Variants in GCSH observed in about 807,000 individuals in gnomAD.
GCSH encodes the protein glycine cleavage system H protein, mitochondrial.
A neutral mutation model predicts 21.3 loss-of-function variants in GCSH; 15 were observed. The ratio of observed to expected loss-of-function variants is 0.70; its 90% confidence interval spans 0.47 to 1.08. The LOEUF is 1.08. Ranked by LOEUF, GCSH falls within the 50% of genes least tolerant of loss-of-function variation. The pLI, the probability that GCSH is intolerant of heterozygous loss-of-function variation, is 0.00. For synonymous variants in GCSH, 59 were observed against 84.5 expected, an observed-to-expected ratio of 0.70 and a Z score of 1.66; for missense variants, 179 against 217.5, an observed-to-expected ratio of 0.82 and a Z score of 1.11.
chr16:81,087,510 C>G (rs372154203), intron 3 of GCSH, 91 bp downstream of exon 3: 2 of 892,252 alleles, frequency 2.2e-6, no homozygotes, highest in South Asian at 2.9e-5. Context: ...AAAAAAAAAG[C>G]ACTCTAATTA....
Position 81,096,360 on chromosome 16 carries a change from C to CGGAGGGAGCCGGCTGGAT in GCSH, c.-100_-83dup. ...GGGGCGGGGAGGGGCAGTTCGCGGC[C>CGGAGGGAGCCGGCTGGAT]GGAGGGAGCCGGCTGGATGGAGGCG... On this transcript the variant is annotated 5_prime_UTR_variant, in exon 1 of 5. Coordinates refer to ENST00000315467, the MANE Select transcript of GCSH (RefSeq NM_004483.5). 9.0e-7 allele frequency: 1 copy of CGGAGGGAGCCGGCTGGAT among 1,106,618 alleles called. No homozygotes were observed. Among genetic ancestry groups the CGGAGGGAGCCGGCTGGAT allele is most frequent in the South Asian group, 2.1e-5 (1 of 47,950 alleles). 68.5% of individuals were successfully genotyped at this position (1,106,618 alleles called of 1,614,324 possible). A position where few individuals can be genotyped will look rare whatever the true frequency, so the allele number is the denominator to read the frequency against.
At chr16:81,085,607 G>A (rs1972257388) in intron 3 of GCSH, among the ~76,000 whole-genome samples, 1 of 152,354 alleles carries the variant, frequency 6.6e-6, no homozygotes, top group African/African-American at 2.4e-5. Flanking sequence ...GGTGGCTCAT[G>A]CCTGTAATTC....
At chr16:81,090,815 G>T in intron 1 of GCSH, 135 bp from the exon 2 acceptor site, 1 of 715,736 alleles carries the variant, frequency 1.4e-6, no homozygotes, top group Admixed American at 2.0e-5. Context: ...ATAGTGCATG[G>T]CTCAGGAAAG....
chr16:81,087,295 G>C (rs1394691174), intron 3 of GCSH, among the ~76,000 whole-genome samples: 1 of 152,114 alleles, frequency 6.6e-6, no homozygotes, highest in Non-Finnish European at 1.5e-5. Flanking sequence ...GGAGGCCAAG[G>C]CGGGCGGATC....
At chr16:81,085,752 T>C (rs1254485072) in intron 3 of GCSH, among the ~76,000 whole-genome samples, 1 of 151,898 alleles carries the variant, frequency 6.6e-6, no homozygotes, top group Non-Finnish European at 1.5e-5. Context: ...CCCAGCTACT[T>C]GGGAGACTGA....
At chr16:81,087,254 G>A (rs778348884) in intron 3 of GCSH, among the ~76,000 whole-genome samples, 9 of 151,960 alleles carry the variant, frequency 5.9e-5, no homozygotes, top group Non-Finnish European at 1.3e-4. Flanking sequence ...GGCTGGGCAC[G>A]GTGGCTCACA....
rs951633394 is a variant in GCSH at position 81,096,281 on chromosome 16, T to C, written c.-3A>G. On this transcript the variant is annotated 5_prime_UTR_variant, in exon 1 of 5. Transcript: ENST00000315467. ...CTCCGCACCACTCGCAGCGCCATGT[T>C]CGCAGGGGTGCGGGGGTCGCAGCGC... The C allele has an allele frequency of 7.3e-7, 1 of 1,368,572 alleles. No homozygotes were observed. The allele number at this position is 1,368,572 out of a possible 1,614,324, so 84.8% of individuals were successfully genotyped here.
intron 4 of GCSH, chr16:81,084,227 C>A (rs56286107): frequency 0.058 from 35,003 of 600,266 alleles, 1,240 homozygotes; most frequent in Non-Finnish European, 0.072. Flanking sequence ...AATCCACCCA[C>A]CTTGGCCTCC....
At chr16:81,087,782 T>C (rs1972313538) in intron 2 of GCSH, 118 bp from the exon 3 acceptor site, 1 of 745,586 alleles carries the variant, frequency 1.3e-6, no homozygotes, top group Non-Finnish European at 2.3e-6. Context: ...TATTTTATAC[T>C]GGAGGGGCTA....
chr16:81,094,170 G>A lies in GCSH; in HGVS notation c.148+1961C>T, dbSNP rs557221872. Among the ~76,000 whole-genome samples the A allele has an allele frequency of 2.6e-5, 4 of 152,272 alleles. No individual in the cohort carries two copies. In the South Asian group the frequency reaches 8.3e-4, roughly 32 times the overall value. ...CCGCCTCAGCCTCCCAAAGTGCTGGGATTAAAGGCATGAGCCACCGTGCCT... is the reference window on the plus strand; with the variant it reads ...CCGCCTCAGCCTCCCAAAGTGCTGGAATTAAAGGCATGAGCCACCGTGCCT... On this transcript the variant is annotated intron_variant, in intron 1 of 4. Transcript: ENST00000315467.
At chr16:81,092,983 T>G (rs543177696) in intron 1 of GCSH, among the ~76,000 whole-genome samples, 41 of 152,060 alleles carry the variant, frequency 2.7e-4, no homozygotes, top group African/African-American at 9.9e-4. Flanking sequence ...AATACAAAAA[T>G]TAGCCAGGTG....
chr16:81,084,678 G>T (rs1417185208), intron 3 of GCSH, 84 bp from the exon 4 acceptor site: 7 of 955,268 alleles, frequency 7.3e-6, no homozygotes, highest in African/African-American at 3.4e-5. Flanking sequence ...GTAGATTCCT[G>T]TCATACAGCT....
In GCSH at chr16:81,082,749, T is replaced by TC. The variant is rs1972193839; in HGVS notation, c.*116_*117insG. 1 of 639,512 alleles carries TC rather than the reference T, an allele frequency of 1.6e-6. No homozygotes were observed. The highest frequency in any genetic ancestry group is 2.8e-5 in the East Asian group (1 of 36,288). 39.6% of individuals were successfully genotyped at this position (639,512 alleles called of 1,614,324 possible). A position where few individuals can be genotyped will look rare whatever the true frequency, so the allele number is the denominator to read the frequency against. ...TCATTAGCAGTGTTAACAGTAGTTT[T>TC]TTTTTCCCCATCGGTAATACTAAAA... On this transcript the variant is annotated 3_prime_UTR_variant, in exon 5 of 5. Coordinates refer to ENST00000315467, the MANE Select transcript of GCSH (RefSeq NM_004483.5).
chr16:81,086,223 A>AAAAAAC (rs1972273715), intron 3 of GCSH, among the ~76,000 whole-genome samples: 1 of 127,548 alleles, frequency 7.8e-6, no homozygotes, highest in Non-Finnish European at 1.8e-5. Flanking sequence ...AAAAACAAAA[A>AAAAAAC]AAACACAATT....
chr16:81,093,546 AC>A (rs1972441749), intron 1 of GCSH, among the ~76,000 whole-genome samples: 1 of 152,146 alleles, frequency 6.6e-6, no homozygotes, highest in African/African-American at 2.4e-5. Context: ...AGGTAATGTT[AC>A]CCCTCAGTCC....
intron 3 of GCSH, 79 bp from the exon 4 acceptor site, chr16:81,084,673 T>C (rs993021427): frequency 8.7e-6 from 9 of 1,037,466 alleles, no homozygotes; most frequent in Non-Finnish European, 1.3e-5. Flanking sequence ...AAAAAGTAGA[T>C]TCCTGTCATA....
At chr16:81,092,282 C>G (rs1972412839) in intron 1 of GCSH, among the ~76,000 whole-genome samples, 1 of 151,876 alleles carries the variant, frequency 6.6e-6, no homozygotes, top group African/African-American at 2.4e-5. Context: ...GCTGAACATA[C>G]TAGAGATCAT....
At chr16:81,084,652 CAT>C in intron 3 of GCSH, 58 bp from the exon 4 acceptor site, 1 of 1,283,622 alleles carries the variant, frequency 7.8e-7, no homozygotes, top group Non-Finnish European at 1.1e-6. Flanking sequence ...TACTTGAAAA[CAT>C]AAAATACGAA....
At chr16:81,084,645 T>G in intron 3 of GCSH, 51 bp from the exon 4 acceptor site, 1 of 1,397,070 alleles carries the variant, frequency 7.2e-7, no homozygotes, top group Non-Finnish European at 1.0e-6. Context: ...AGTCAGTTAC[T>G]TGAAAACATA....
Sources: allele counts gnomAD v4.1 joint callset (sites outside exome capture counted in the v4.1 genomes callset), GRCh38; gene constraint gnomAD v4.1.1; transcripts MANE v1.5; gene names NCBI Gene and HGNC (gene_info 2026-07-23, HGNC 2026-07-21).